The following NRXN2 variants were observed in gnomAD, a reference collection of about 807,000 sequenced individuals.
NRXN2 encodes neurexin-2-beta.
In NRXN2, 29 loss-of-function variants were observed where a neutral mutation model predicts 128.8. That is an observed-to-expected ratio of 0.23 (90% confidence interval 0.17 to 0.31). NRXN2 has a LOEUF of 0.31. NRXN2 is among the 10% of genes least tolerant of loss of function. The pLI, the probability that NRXN2 is intolerant of heterozygous loss-of-function variation, is 1.00. For synonymous variants in NRXN2, 1,098 were observed against 1,075.2 expected (o/e 1.02, Z -0.41); for missense variants, 1,881 against 2,452.6 (o/e 0.77, Z 4.92).
At position 64,667,712 on chromosome 11, in the gene NRXN2, G is replaced by A; in HGVS notation, c.1360-24C>T. On this transcript the variant is annotated intron_variant, in intron 8 of 22. Transcript: ENST00000265459. The surrounding 1 kb of genome is among the most constrained non-coding windows in gnomAD (Gnocchi z 5.6). ...ACCTGCAGGGAGGGGTGGGGTCAGG[G>A]ATAAAGAATCCGAAAGCAGCTTAGG... 1 of 1,612,298 alleles carries A rather than the reference G, an allele frequency of 6.2e-7. No homozygotes were observed. Among genetic ancestry groups the A allele is most frequent in the African/African-American group, 1.3e-5 (1 of 74,998 alleles).
At chr11:64,613,291 C>A (rs11607584) in intron 22 of NRXN2, among the ~76,000 whole-genome samples, 1 of 152,260 alleles carries the variant, frequency 6.6e-6, no homozygotes, top group African/African-American at 2.4e-5. Flanking sequence ...CTGCCGGCCA[C>A]TGAGCCTGGG....
Position 64,651,751 on chromosome 11 carries a change from A to G in NRXN2, c.2537-115T>C. ...CCACCCATGAGTGACATCTTTAGAG[A>G]TGTCCTCGGCTAGGCACTAGCAGCC... On this transcript the variant is annotated intron_variant, in intron 13 of 22. Coordinates refer to ENST00000265459, the MANE Select transcript of NRXN2 (RefSeq NM_015080.4). The surrounding 1 kb of genome is among the most constrained non-coding windows in gnomAD (Gnocchi z 5.9). 11 of 1,212,018 alleles carry G rather than the reference A, an allele frequency of 9.1e-6. No homozygotes were observed. The highest frequency in any genetic ancestry group is 1.3e-5 in the Non-Finnish European group (11 of 851,280). The allele number at this position is 1,212,018 out of a possible 1,614,324, so 75.1% of individuals were successfully genotyped here.
At chr11:64,669,263 T>C (rs2050309189) in intron 7 of NRXN2, among the ~76,000 whole-genome samples, 1 of 152,164 alleles carries the variant, frequency 6.6e-6, no homozygotes, top group Non-Finnish European at 1.5e-5. Context: ...ATCTCCAGGT[T>C]TGCACTTCTA....
At chr11:64,613,354 G>C (rs1218415198) in intron 22 of NRXN2, among the ~76,000 whole-genome samples, 1 of 152,234 alleles carries the variant, frequency 6.6e-6, no homozygotes, top group African/African-American at 2.4e-5. Context: ...GAACATGTGA[G>C]TGCACCACAG....
At chr11:64,722,619 T>A (rs1203619346) in intron 1 of NRXN2, among the ~76,000 whole-genome samples, 1 of 151,818 alleles carries the variant, frequency 6.6e-6, no homozygotes. Flanking sequence ...GGCCCGGCGC[T>A]GCTTCAAGCC....
intron 4 of NRXN2, 142 bp from the exon 5 acceptor site, chr11:64,690,618 T>A: frequency 1.4e-6 from 1 of 734,242 alleles, no homozygotes; most frequent in Non-Finnish European, 2.4e-6. Context: ...GGGACTCCCT[T>A]GCCTTCAAGA....
chr11:64,609,761 G>T (rs188654588), intron 22 of NRXN2, among the ~76,000 whole-genome samples: 1 of 152,280 alleles, frequency 6.6e-6, no homozygotes, highest in South Asian at 2.1e-4. Flanking sequence ...GCCTGACGAG[G>T]GTTGGAGGTT....
chr11:64,714,321 C>G lies in NRXN2; in HGVS notation c.-244-378G>C, dbSNP rs781269443. On this transcript the variant is annotated intron_variant, in intron 1 of 22. Transcript: ENST00000265459. This position sits in a 1 kb window ranked among gnomAD's most constrained non-coding sequence, Gnocchi z 4.5. ...CTCTCCTCCGCCTGGTGACCCCAGC[C>G]CCTTCTCTGAACCGCCCAGCCTCTG... Among the ~76,000 whole-genome samples, 1 of 152,146 alleles carries G rather than the reference C, an allele frequency of 6.6e-6. No homozygotes were observed. Among genetic ancestry groups the G allele is most frequent in the Non-Finnish European group, 1.5e-5 (1 of 68,026 alleles).
Position 64,651,948 on chromosome 11 carries a change from G to A in NRXN2, c.2536+87C>T. The A allele has an allele frequency of 1.3e-6, 2 of 1,578,884 alleles. No individual in the cohort carries two copies. The highest frequency in any genetic ancestry group is 1.7e-6 in the Non-Finnish European group (2 of 1,160,356). ...TTGCCAGAACACTGCCCTAGGAATGGCAGCCCAGGCAGTAGTCACCAAGTA... is the reference window on the plus strand; with the variant it reads ...TTGCCAGAACACTGCCCTAGGAATGACAGCCCAGGCAGTAGTCACCAAGTA... On this transcript the variant is annotated intron_variant, in intron 13 of 22. Coordinates refer to ENST00000265459, the MANE Select transcript of NRXN2 (RefSeq NM_015080.4). The surrounding 1 kb of genome is among the most constrained non-coding windows in gnomAD (Gnocchi z 5.9).
rs2050028302 is a variant in NRXN2 at position 64,667,421 on chromosome 11, CAGCT to C, written c.1623_1626del (p.Gly543AlafsTer61). On this transcript the variant is annotated frameshift_variant, in exon 9 of 23. Coordinates refer to ENST00000265459, the MANE Select transcript of NRXN2 (RefSeq NM_015080.4). LOFTEE classifies it high-confidence loss of function. This position sits in a 1 kb window ranked among gnomAD's most constrained non-coding sequence, Gnocchi z 5.6. ...GCCCGCTGAGCAGAGCTGTGGCTGCCAGCTCCACCCCCAGCCCGCCGGCCCTGGC... is the reference window on the plus strand; with the variant it reads ...GCCCGCTGAGCAGAGCTGTGGCTGCCCCACCCCCAGCCCGCCGGCCCTGGC... 6 of 1,614,064 alleles carry C rather than the reference CAGCT, an allele frequency of 3.7e-6. No homozygotes were observed. The highest frequency in any genetic ancestry group is 5.1e-6 in the Non-Finnish European group (6 of 1,180,028).
intron 2 of NRXN2, among the ~76,000 whole-genome samples, chr11:64,701,011 C>T (rs2055269863): frequency 6.6e-6 from 1 of 152,188 alleles, no homozygotes; most frequent in South Asian, 2.1e-4. Context: ...AACTAAACTC[C>T]TAGAAATCCT....
chr11:64,713,381 C>A lies in NRXN2; in HGVS notation c.319G>T (p.Val107Leu). 6.9e-7 allele frequency: 1 copy of A among 1,457,052 alleles called. No homozygotes were observed. Among genetic ancestry groups the A allele is most frequent in the East Asian group, 3.0e-5 (1 of 33,130 alleles). The allele number at this position is 1,457,052 out of a possible 1,614,324, so 90.3% of individuals were successfully genotyped here. The change falls in exon 2 of 23, where the codon GTG (valine) becomes TTG (leucine). Residue 107 changes from valine to leucine, a missense_variant. By Grantham distance (32) the Val-to-Leu change is conservative. Coordinates refer to ENST00000265459, the MANE Select transcript of NRXN2 (RefSeq NM_015080.4). ...EPATLQLDTP[V>L]ADDRWHMVLL... ...ACCATGTGCCAGCGGTCGTCGGCCA[C>A]CGGCGTGTCCAGCTGCAGCGTGGCC... is the stretch of plus-strand genomic sequence containing the variant.
chr11:64,643,157 CGGG>C (rs1565269186), intron 17 of NRXN2: 1 of 907,944 alleles, frequency 1.1e-6, no homozygotes, highest in Non-Finnish European at 1.3e-6. Flanking sequence ...GAGGGGAGCG[CGGG>C]GGCCAAGCAG....
chr11:64,630,396 G>A lies in NRXN2; in HGVS notation c.3757+6C>T, dbSNP rs1231964218. Reference sequence around the variant, plus strand: ...CGCGCCTCCTCCGCGGGCCCGCGCCGCCTACCTGCCGGGTACCGCTCGTTG... The same window carrying A: ...CGCGCCTCCTCCGCGGGCCCGCGCCACCTACCTGCCGGGTACCGCTCGTTG... On this transcript the variant is annotated splice_donor_region_variant and intron_variant, in intron 19 of 22. Transcript: ENST00000265459. This position sits in a 1 kb window ranked among gnomAD's most constrained non-coding sequence, Gnocchi z 4.6. The A allele has an allele frequency of 1.3e-6, 2 of 1,558,308 alleles. No homozygotes were observed. Among genetic ancestry groups the A allele is most frequent in the Non-Finnish European group, 1.7e-6 (2 of 1,146,474 alleles).
intron 22 of NRXN2, among the ~76,000 whole-genome samples, chr11:64,619,231 G>A (rs1353842385): frequency 6.6e-6 from 1 of 152,002 alleles, no homozygotes; most frequent in African/African-American, 2.4e-5. Flanking sequence ...GTCTCCAGCA[G>A]CCCAAGCGAG....
intron 22 of NRXN2, among the ~76,000 whole-genome samples, chr11:64,608,611 A>T (rs1432634300): frequency 6.6e-6 from 1 of 151,968 alleles, no homozygotes; most frequent in Non-Finnish European, 1.5e-5. Flanking sequence ...AAAATTACAA[A>T]CAGAGCTGTG....
chr11:64,698,397 A>G (rs773642508), intron 2 of NRXN2, among the ~76,000 whole-genome samples: 1 of 152,180 alleles, frequency 6.6e-6, no homozygotes, highest in Non-Finnish European at 1.5e-5. Flanking sequence ...ACATCAAGAC[A>G]CAGAGAGAAC....
At position 64,713,802 on chromosome 11, in the gene NRXN2, G is replaced by A. The variant is rs1354580053; in HGVS notation, c.-103C>T. On this transcript the variant is annotated 5_prime_UTR_variant, in exon 2 of 23. Coordinates refer to ENST00000265459, the MANE Select transcript of NRXN2 (RefSeq NM_015080.4). ...GGGCCGGGCGCTCCCCGCGCTGAGCGGGGCTCCCTTGCAGGCTCACAGTGC... is the reference window on the plus strand; with the variant it reads ...GGGCCGGGCGCTCCCCGCGCTGAGCAGGGCTCCCTTGCAGGCTCACAGTGC... 4.6e-6 allele frequency: 3 copies of A among 657,996 alleles called. No individual in the cohort carries two copies. In the African/African-American group the frequency reaches 5.9e-5, roughly 13 times the overall value. The allele number at this position is 657,996 out of a possible 1,614,324, so 40.8% of individuals were successfully genotyped here.
In NRXN2 at chr11:64,630,644, T is replaced by G; in HGVS notation, c.3586-71A>C. ...TCATCCCTTCTAGTGGCTACTCCTG[T>G]GACCACCACTAGCCCAGCTCCGCAG... is the stretch of plus-strand genomic sequence containing the variant. On this transcript the variant is annotated intron_variant, in intron 18 of 22. Transcript: ENST00000265459. The surrounding 1 kb of genome is among the most constrained non-coding windows in gnomAD (Gnocchi z 4.6). 1.3e-6 allele frequency: 2 copies of G among 1,554,234 alleles called. No individual in the cohort carries two copies. The highest frequency in any genetic ancestry group is 3.4e-4 in the Middle Eastern group (2 of 5,946).
Sources: gnomAD v4.1 joint callset for allele counts (sites outside exome capture counted in the v4.1 genomes callset) on GRCh38, gnomAD v4.1.1 for gene constraint, Gnocchi (gnomAD v3.1) non-coding constraint, MANE v1.5 for transcripts, NCBI Gene and HGNC (gene_info 2026-07-23, HGNC 2026-07-21) for gene names.